Variants in PCNT observed in about 807,000 individuals in gnomAD.
PCNT encodes kendrin.
PCNT carries 319 observed loss-of-function variants against 380.4 expected under a neutral mutation model. The ratio of observed to expected loss-of-function variants is 0.84; its 90% CI spans 0.77 to 0.92. The LOEUF (loss-of-function observed/expected upper bound fraction) is 0.92. Ranked by LOEUF, PCNT falls within the 40% of genes least tolerant of loss-of-function variation. The pLI is 0.00. For synonymous variants in PCNT, 1,845 were observed against 1,735.2 expected (o/e 1.06, Z -1.57); for missense variants, 4,400 against 4,255.3 (o/e 1.03, Z -0.95).
intron 15 of PCNT, among the ~76,000 whole-genome samples, chr21:46,370,376 A>T (rs2085075080): frequency 6.6e-6 from 1 of 151,318 alleles, no homozygotes; most frequent in Admixed American, 6.6e-5. Context: ...AGTGGAGGCG[A>T]TTCAGAGCCT....
chr21:46,347,569 G>C, intron 6 of PCNT, 57 bp downstream of exon 6: 8 of 1,536,990 alleles, frequency 5.2e-6, no homozygotes, highest in Admixed American at 1.7e-5. Flanking sequence ...TTCCTTTCTC[G>C]CCAGGTCCCA....
Position 46,443,724 on chromosome 21 carries a change from C to T in PCNT, c.9701-86C>T, listed in dbSNP as rs190045719. ...CCATACAGGCTCTTAAAAGCTTATA[C>T]GTTTAAACTGTTGATAGATGGGCCT... On this transcript the variant is annotated intron_variant, in intron 44 of 46. Coordinates refer to ENST00000359568, the MANE Select transcript of PCNT (RefSeq NM_006031.6). 6.2e-4 allele frequency: 813 copies of T among 1,306,132 alleles called. 3 individuals carry two copies. The highest frequency in any genetic ancestry group is 7.7e-4 in the Non-Finnish European group (695 of 899,874). 80.9% of individuals were successfully genotyped at this position (1,306,132 alleles called of 1,614,324 possible).
At chr21:46,349,218 G>A in intron 7 of PCNT, 32 bp downstream of exon 7, 1 of 1,578,310 alleles carries the variant, frequency 6.3e-7, no homozygotes, top group Non-Finnish European at 8.7e-7. Flanking sequence ...GTTTGGAGTG[G>A]GACTGAATTT....
At chr21:46,349,256 T>C (rs554444946) in intron 7 of PCNT, 70 bp downstream of exon 7, 1 of 1,254,722 alleles carries the variant, frequency 8.0e-7, no homozygotes, top group African/African-American at 1.5e-5. Context: ...AGGAATGTCG[T>C]TCATGTCACC....
At position 46,430,721 on chromosome 21, in the gene PCNT, C is replaced by T; in HGVS notation, c.8064+64C>T. On this transcript the variant is annotated intron_variant, in intron 37 of 46. Transcript: ENST00000359568. The stretch of plus-strand genomic sequence containing the variant: ...TGTGCACTGGAAGCCTGAAGCCATG[C>T]TCCTCTTTCATCCTTCTTTTCCTGT... 16 of 1,545,708 alleles carry T rather than the reference C, an allele frequency of 1.0e-5. No individual in the cohort carries two copies. The South Asian group carries it at 1.3e-4, about 13-fold the overall frequency.
chr21:46,352,280 G>A (rs1232827709), intron 9 of PCNT, among the ~76,000 whole-genome samples: 1 of 152,244 alleles, frequency 6.6e-6, no homozygotes, highest in African/African-American at 2.4e-5. Context: ...TGTCACCAGG[G>A]CACCAGGCCT....
chr21:46,403,002 A>G (rs2086479852), intron 27 of PCNT, among the ~76,000 whole-genome samples: 1 of 152,254 alleles, frequency 6.6e-6, no homozygotes, highest in Non-Finnish European at 1.5e-5. Flanking sequence ...AAAAAAGAAA[A>G]CCAAAACCAA....
intron 3 of PCNT, among the ~76,000 whole-genome samples, chr21:46,341,174 C>T (rs754730442): frequency 1.3e-5 from 2 of 152,162 alleles, no homozygotes; most frequent in African/African-American, 4.8e-5. Flanking sequence ...TGAGTCACCG[C>T]GCCTGGCCAG....
chr21:46,416,477 G>A lies in PCNT; in HGVS notation c.6559G>A (p.Asp2187Asn), dbSNP rs146006811. Residue 2187 changes from aspartate to asparagine, a missense_variant, in exon 30 of 47, where the codon GAC becomes AAC. Asp to Asn is a conservative substitution (Grantham distance 23). Transcript: ENST00000359568. The stretch of plus-strand genomic sequence containing the variant: ...CATTCAAGAAAAATCAGAATGTCAG[G>A]ACATGTCTCTTTCTTCACCGACCAG... ...SPIQEKSECQ[D>N]MSLSSPTSVL... The A allele has an allele frequency of 1.9e-6, 3 of 1,614,154 alleles. No individual in the cohort carries two copies. Among genetic ancestry groups the A allele is most frequent in the Non-Finnish European group, 2.5e-6 (3 of 1,180,028 alleles).
At chr21:46,367,235 G>A in intron 15 of PCNT, 96 bp downstream of exon 15, 1 of 1,045,694 alleles carries the variant, frequency 9.6e-7, no homozygotes, top group Non-Finnish European at 1.4e-6. Context: ...CGTGCTGTGT[G>A]TGCCTGTGCG....
chr21:46,383,191 C>T lies in PCNT; in HGVS notation c.3312+1351C>T, dbSNP rs543888564. ...ATTCACAGTGTTGTATATTCAGTGGCGGAAGCACATTCACCATGTTGTATA... is the reference window on the plus strand; with the variant it reads ...ATTCACAGTGTTGTATATTCAGTGGTGGAAGCACATTCACCATGTTGTATA... On this transcript the variant is annotated intron_variant, in intron 16 of 46. Transcript: ENST00000359568. Among the ~76,000 whole-genome samples the T allele has an allele frequency of 1.4e-4, 20 of 146,950 alleles. No individual in the cohort carries two copies. The East Asian group carries it at 2.1e-3, about 15-fold the overall frequency.
At chr21:46,402,596 T>C in intron 27 of PCNT, 113 bp downstream of exon 27, 1 of 1,134,112 alleles carries the variant, frequency 8.8e-7, no homozygotes, top group Non-Finnish European at 1.3e-6. Flanking sequence ...CAGACGCCCG[T>C]GGCCCCCATG....
rs536075013 is a variant in PCNT, at chr21:46,414,816, G to A, written c.6151-1253G>A. On this transcript the variant is annotated intron_variant, in intron 29 of 46. Transcript: ENST00000359568. ...CTCTCCTCCTCCTGGACATGCAGCC[G>A]CCCACCCTGCTCCTCCTCCTCCTGG... Among the ~76,000 whole-genome samples, 39 of 131,070 alleles carry A rather than the reference G, an allele frequency of 3.0e-4. 1 individual carries two copies. The highest frequency in any genetic ancestry group is 1.5e-3 in the Admixed American group (20 of 13,076). 86.0% of individuals were successfully genotyped at this position (131,070 alleles called of 152,430 possible). A position where few individuals can be genotyped will look rare whatever the true frequency, so the allele number is the denominator to read the frequency against.
intron 15 of PCNT, among the ~76,000 whole-genome samples, chr21:46,373,247 C>T (rs1346189198): frequency 9.9e-5 from 15 of 151,966 alleles, no homozygotes; most frequent in Non-Finnish European, 4.4e-5. Flanking sequence ...AAATTCCTGG[C>T]CTCAAGCAAT....
intron 2 of PCNT, among the ~76,000 whole-genome samples, chr21:46,327,920 TC>T (rs1467320789): frequency 6.6e-6 from 1 of 152,136 alleles, no homozygotes; most frequent in Non-Finnish European, 1.5e-5. Context: ...GCACACTGAG[TC>T]CTGAAGGGGC....
Position 46,430,560 on chromosome 21 carries a change from A to T in PCNT, c.7967A>T (p.Glu2656Val). ...NELKAALQEL[E>V]SEQGKGRALQ... ...CTGAAGGCCGCGCTTCAGGAGCTGG[A>T]GAGTGAGCAGGGGAAGGGGCGTGCC... The change falls in exon 37 of 47, where the codon GAG becomes GTG. Residue 2656 changes from glutamate (E) to valine (V), a missense_variant. Coordinates refer to ENST00000359568, the MANE Select transcript of PCNT (RefSeq NM_006031.6). The T allele has an allele frequency of 6.4e-7, 1 of 1,558,534 alleles. No homozygotes were observed. The highest frequency in any genetic ancestry group is 8.7e-7 in the Non-Finnish European group (1 of 1,151,618).
At chr21:46,410,753 C>T (rs1040466589) in intron 27 of PCNT, among the ~76,000 whole-genome samples, 1 of 152,204 alleles carries the variant, frequency 6.6e-6, no homozygotes, top group Non-Finnish European at 1.5e-5. Flanking sequence ...GGAAGGGGAG[C>T]GTGCCCGGCT....
chr21:46,429,329 T>TG (rs1304532834), intron 35 of PCNT, among the ~76,000 whole-genome samples: 3 of 41,626 alleles, frequency 7.2e-5, no homozygotes, highest in East Asian at 5.1e-4. Context: ...GTGAGAGGCA[T>TG]GGGGGGGCTG....
chr21:46,332,448 G>C (rs891014880), intron 2 of PCNT, among the ~76,000 whole-genome samples: 2 of 152,118 alleles, frequency 1.3e-5, no homozygotes, highest in Non-Finnish European at 2.9e-5. Flanking sequence ...TAAGAAATTT[G>C]ATCCAACCTC....
Sources: gnomAD v4.1 joint callset for allele counts (sites outside exome capture counted in the v4.1 genomes callset) on GRCh38, gnomAD v4.1.1 for gene constraint, MANE v1.5 for transcripts, NCBI Gene and HGNC (gene_info 2026-07-23, HGNC 2026-07-21) for gene names.